The following ARID4B variants were observed in gnomAD, a reference collection of about 807,000 sequenced individuals.
ARID4B encodes AT-rich interaction domain 4B.
Under a neutral mutation model 147.5 loss-of-function variants are expected in ARID4B, and 26 were observed. The ratio of observed to expected loss-of-function variants is 0.18; its 90% CI spans 0.13 to 0.24. The LOEUF (loss-of-function observed/expected upper bound fraction) is 0.24, where lower values mean the gene tolerates loss of function less well. Ranked by LOEUF, ARID4B falls within the 10% of genes least tolerant of loss-of-function variation. The pLI is 1.00. For missense variants in ARID4B, 1,179 were observed against 1,511.5 expected, an observed-to-expected ratio of 0.78 and a Z score of 3.65; for synonymous variants, 512 against 507.9, an observed-to-expected ratio of 1.01 and a Z score of -0.11.
chr1:235,257,192 C>G lies in ARID4B; in HGVS notation c.151G>C (p.Val51Leu). 3 of 1,612,836 alleles carry G rather than the reference C, an allele frequency of 1.9e-6. No individual in the cohort carries two copies. The highest frequency in any genetic ancestry group is 2.5e-6 in the Non-Finnish European group (3 of 1,178,988). Residue 51 changes from valine to leucine, a missense_variant, in exon 4 of 24, where the codon GTT (valine) becomes CTT (leucine). This residue lies in a region of ARID4B where 56 missense variants were observed against 99.2 expected (regional missense o/e 0.56). Transcript: ENST00000264183. Reference sequence around the variant, plus strand: ...GGGCCCTTTATGTGGTCATCCTGAACTTCCACTGTTGAAGAATCATGTCTA... The same window carrying G: ...GGGCCCTTTATGTGGTCATCCTGAAGTTCCACTGTTGAAGAATCATGTCTA... ...TFRHDSSTVE[V>L]QDDHIKGPLK...
In ARID4B at chr1:235,192,844, G is replaced by A. The variant is rs1429990727; in HGVS notation, c.2125+1169C>T. Among the ~76,000 whole-genome samples the A allele has an allele frequency of 5.9e-5, 9 of 152,254 alleles. No individual in the cohort carries two copies. In the East Asian group the frequency reaches 1.4e-3, roughly 23 times the overall value. Reference sequence around the variant, plus strand: ...TGTCAGGCCAGGCGCGGTGGCTCACGCCTGTAATCCCAGCACTTTGGGAGG... The same window carrying A: ...TGTCAGGCCAGGCGCGGTGGCTCACACCTGTAATCCCAGCACTTTGGGAGG... On this transcript the variant is annotated intron_variant, in intron 19 of 23. Coordinates refer to ENST00000264183, the MANE Select transcript of ARID4B (RefSeq NM_016374.6).
chr1:235,197,331 G>T (rs1032871032), intron 17 of ARID4B, among the ~76,000 whole-genome samples: 1 of 152,130 alleles, frequency 6.6e-6, no homozygotes, highest in South Asian at 2.1e-4. Context: ...GTATTAAAAG[G>T]AAGTAACAAA....
At chr1:235,187,158 C>T (rs182625132) in intron 19 of ARID4B, 58 of 308,538 alleles carry the variant, frequency 1.9e-4, no homozygotes, top group East Asian at 5.8e-4. Flanking sequence ...CTCAGCTCAC[C>T]GCAACCTCCG....
intron 7 of ARID4B, among the ~76,000 whole-genome samples, chr1:235,245,494 TA>T (rs750275266): frequency 8.5e-5 from 13 of 152,128 alleles, no homozygotes; most frequent in Non-Finnish European, 1.5e-4. Context: ...TGCAATCTTC[TA>T]AAAATTAAAA....
At chr1:235,273,829 C>T (rs957389150) in intron 2 of ARID4B, among the ~76,000 whole-genome samples, 2 of 152,140 alleles carry the variant, frequency 1.3e-5, no homozygotes, top group Admixed American at 6.6e-5. Flanking sequence ...CACAGTGTAA[C>T]GAATCAATTC....
At chr1:235,267,648 C>T (rs564017758) in intron 2 of ARID4B, among the ~76,000 whole-genome samples, 4 of 152,018 alleles carry the variant, frequency 2.6e-5, no homozygotes, top group South Asian at 2.1e-4. Flanking sequence ...CTGGCTAACC[C>T]GGTGAAACCC....
intron 17 of ARID4B, among the ~76,000 whole-genome samples, chr1:235,204,799 T>C (rs939618527): frequency 1.1e-4 from 16 of 152,218 alleles, no homozygotes; most frequent in Non-Finnish European, 1.9e-4. Context: ...AATATCAATG[T>C]ACCTGCCAAT....
intron 21 of ARID4B, 164 bp from the exon 22 acceptor site, chr1:235,175,563 G>A: frequency 4.1e-5 from 25 of 608,990 alleles, no homozygotes; most frequent in African/African-American, 7.4e-5. Flanking sequence ...CTTAGGAAAA[G>A]CAAAAACAAA....
intron 2 of ARID4B, among the ~76,000 whole-genome samples, chr1:235,295,679 G>A (rs1672647891): frequency 6.7e-6 from 1 of 149,320 alleles, no homozygotes; most frequent in African/African-American, 2.5e-5. Context: ...GCATGGTGGA[G>A]GGTGCCTATA....
chr1:235,271,828 T>C (rs1485359254), intron 2 of ARID4B, among the ~76,000 whole-genome samples: 1 of 151,100 alleles, frequency 6.6e-6, no homozygotes, highest in Non-Finnish European at 1.5e-5. Context: ...CAGGCACCTG[T>C]AATGCCAGCT....
chr1:235,239,559 G>A (rs1158399539), intron 8 of ARID4B, among the ~76,000 whole-genome samples: 1 of 152,114 alleles, frequency 6.6e-6, no homozygotes, highest in African/African-American at 2.4e-5. Context: ...AAAGAAAATG[G>A]TCTATACATG....
At chr1:235,263,312 T>A (rs1313929318) in intron 2 of ARID4B, among the ~76,000 whole-genome samples, 1 of 152,230 alleles carries the variant, frequency 6.6e-6, no homozygotes, top group Non-Finnish European at 1.5e-5. Context: ...CACTTTTAAA[T>A]TTTTAATAGA....
intron 2 of ARID4B, chr1:235,326,662 C>T: frequency 2.0e-6 from 1 of 512,098 alleles, no homozygotes. Flanking sequence ...GCCGTTATTC[C>T]TCTCATTCCC....
chr1:235,298,573 T>C (rs1315321787), intron 2 of ARID4B, among the ~76,000 whole-genome samples: 1 of 148,746 alleles, frequency 6.7e-6, no homozygotes, highest in Non-Finnish European at 1.5e-5. Context: ...TATATATCCA[T>C]ATATATGAAT....
rs371467026 is a variant in ARID4B at position 235,220,555 on chromosome 1, T to G, written c.1164-10A>C. 257 of 1,536,470 alleles carry G rather than the reference T, an allele frequency of 1.7e-4. 1 individual carries two copies. The African/African-American group carries it at 3.4e-3, about 20-fold the overall frequency. ...AAAACCATATAAGTATCTGGAAACATGAAGAGAAATTACATTTGGTGAAAA... is the reference window on the plus strand; with the variant it reads ...AAAACCATATAAGTATCTGGAAACAGGAAGAGAAATTACATTTGGTGAAAA... On this transcript the variant is annotated splice_polypyrimidine_tract_variant and intron_variant, in intron 14 of 23. Coordinates refer to ENST00000264183, the MANE Select transcript of ARID4B (RefSeq NM_016374.6).
intron 2 of ARID4B, among the ~76,000 whole-genome samples, chr1:235,317,626 C>A (rs1231062572): frequency 1.3e-5 from 2 of 151,812 alleles, no homozygotes; most frequent in African/African-American, 4.8e-5. Flanking sequence ...TCATTTTTTT[C>A]TTCCCCAAAT....
intron 2 of ARID4B, among the ~76,000 whole-genome samples, chr1:235,304,608 G>T (rs1341411089): frequency 1.3e-5 from 2 of 152,094 alleles, no homozygotes. Flanking sequence ...TTCCACCATT[G>T]TGCTATAAAT....
Position 235,229,250 on chromosome 1 carries a change from T to A in ARID4B, c.878A>T (p.Asp293Val), listed in dbSNP as rs35560967. Residue 293 changes from aspartate (D) to valine (V), a missense_variant, in exon 11 of 24, where the codon GAT becomes GTT. Transcript: ENST00000264183. ...ACTTACTTCTTCTTCACTGCTATTA[T>A]CCTCCTTTTCTTTTTCATCATCTTC... ...EEEDDEKEKE[D>V]NSSEEEEEIE... is the part of the protein sequence containing the mutation. The A allele has an allele frequency of 1.2e-6, 2 of 1,611,420 alleles. No individual in the cohort carries two copies. Among genetic ancestry groups the A allele is most frequent in the Admixed American group, 1.7e-5 (1 of 59,832 alleles).
intron 14 of ARID4B, 101 bp downstream of exon 14, chr1:235,221,464 G>C (rs1336763352): frequency 3.1e-6 from 2 of 636,152 alleles, no homozygotes; most frequent in Non-Finnish European, 5.4e-6. Context: ...AAAATGTTCT[G>C]ATTTCTTTAA....
Sources: allele counts gnomAD v4.1 joint callset (sites outside exome capture counted in the v4.1 genomes callset), GRCh38; gene constraint gnomAD v4.1.1; regional missense constraint gnomAD v4.1.1; transcripts MANE v1.5; gene names NCBI Gene and HGNC (gene_info 2026-07-23, HGNC 2026-07-21).